Variants in CCNE2 observed in about 807,000 individuals in gnomAD.
CCNE2 encodes the protein cyclin E2, also known as G1/S-specific cyclin-E2.
Under a neutral mutation model 56.8 loss-of-function variants are expected in CCNE2, and 18 were observed. That is an observed-to-expected ratio of 0.32 (90% CI 0.22 to 0.47). The LOEUF is 0.47. Among genes scored for constraint, CCNE2 ranks in the 20% least tolerant of loss-of-function variants. CCNE2 has a pLI of 1.00. For synonymous variants in CCNE2, 139 were observed against 149.2 expected (o/e 0.93, Z 0.50); for missense variants, 371 against 467.1 (o/e 0.79, Z 1.90).
At chr8:94,888,671 T>G (rs761546234) in intron 6 of CCNE2, among the ~76,000 whole-genome samples, 1 of 152,052 alleles carries the variant, frequency 6.6e-6, no homozygotes, top group Non-Finnish European at 1.5e-5. Context: ...ATTACAGGTG[T>G]GTGCCACCAT....
In CCNE2 at chr8:94,890,429, C is replaced by T; in HGVS notation, c.439G>A (p.Asp147Asn). ...CTGTAACATACCTCTAAAAGCCAGT[C>T]TAGAAGTATGGACCTCATCTGTGGT... ...LEPQMRSILL[D>N]WLLEVCEVYT... The change falls in exon 6 of 12, where the codon GAC becomes AAC. Residue 147 changes from aspartate (D) to asparagine (N), a missense_variant. By Grantham distance (23) the Asp-to-Asn change is conservative (BLOSUM62 1). Coordinates refer to ENST00000308108, the MANE Select transcript of CCNE2 (RefSeq NM_057749.3). 1 of 1,587,874 alleles carries T rather than the reference C, an allele frequency of 6.3e-7. No homozygotes were observed. The highest frequency in any genetic ancestry group is 8.6e-7 in the Non-Finnish European group (1 of 1,167,852).
chr8:94,881,481 T>C lies in CCNE2; in HGVS notation c.*151A>G, dbSNP rs28399586. On this transcript the variant is annotated 3_prime_UTR_variant, in exon 12 of 12. Coordinates refer to ENST00000308108, the MANE Select transcript of CCNE2 (RefSeq NM_057749.3). Reference sequence around the variant, plus strand: ...AATTAAATGTATTCTTTAGTGCCAATTGTAAGTTTTAAAATCAGAATGGCA... The same window carrying C: ...AATTAAATGTATTCTTTAGTGCCAACTGTAAGTTTTAAAATCAGAATGGCA... 3.5e-4 allele frequency: 237 copies of C among 674,276 alleles called. 2 individuals are homozygous for C. In the East Asian group the frequency reaches 6.3e-3, roughly 18 times the overall value. The allele number at this position is 674,276 out of a possible 1,614,324, so 41.8% of individuals were successfully genotyped here.
chr8:94,883,636 T>C (rs1304109675), intron 9 of CCNE2: 2 of 246,736 alleles, frequency 8.1e-6, no homozygotes, highest in Non-Finnish European at 1.7e-5. Flanking sequence ...TTTTATAGGC[T>C]GATTCTTGAA....
intron 11 of CCNE2, 60 bp from the exon 12 acceptor site, chr8:94,881,805 G>T (rs1314682949): frequency 7.5e-6 from 12 of 1,596,442 alleles, no homozygotes; most frequent in Non-Finnish European, 8.5e-6. Context: ...CAGACTTCTG[G>T]GTACTTATTT....
In CCNE2 at chr8:94,880,836, A is replaced by G. The variant is rs935174250; in HGVS notation, c.*796T>C. 3 of 398,530 alleles carry G rather than the reference A, an allele frequency of 7.5e-6. No homozygotes were observed. Among genetic ancestry groups the G allele is most frequent in the African/African-American group, 4.1e-5 (2 of 48,596 alleles). The allele number at this position is 398,530 out of a possible 1,614,324, so 24.7% of individuals were successfully genotyped here. On this transcript the variant is annotated 3_prime_UTR_variant, in exon 12 of 12. Transcript: ENST00000308108. ...CCTCATATAAATAGTTTGAAAGGGT[A>G]CTTAAGTTTTTCACCCAAATTGTGA...
chr8:94,890,950 G>C (rs1817218878), intron 5 of CCNE2, among the ~76,000 whole-genome samples: 1 of 152,078 alleles, frequency 6.6e-6, no homozygotes. Context: ...GTTTCACATA[G>C]ATAAAATTCA....
chr8:94,885,067 C>T lies in CCNE2; in HGVS notation c.831G>A (p.Gln277=). Residue 277 remains glutamine (Q), a splice_region_variant and synonymous_variant, in exon 9 of 12, where the codon CAG becomes CAA. Coordinates refer to ENST00000308108, the MANE Select transcript of CCNE2 (RefSeq NM_057749.3). ...ATTGAATCAATAAAAATGTCAGTAC[C>T]TGAGCTATTTGAATGAATGTTTCCT... ...YSQETFIQIA[Q]LLDLCILAID... 2 of 1,612,468 alleles carry T rather than the reference C, an allele frequency of 1.2e-6. No homozygotes were observed. Among genetic ancestry groups the T allele is most frequent in the Non-Finnish European group, 1.7e-6 (2 of 1,179,014 alleles).
chr8:94,896,104 C>T (rs79560866), upstream of CCNE2, among the ~76,000 whole-genome samples: 250 of 152,276 alleles, frequency 1.6e-3, 2 homozygotes, highest in African/African-American at 5.7e-3. Flanking sequence ...TTCCTCTCTT[C>T]TCCACCTCCA....
intron 5 of CCNE2, chr8:94,891,774 G>C: frequency 7.3e-7 from 1 of 1,362,122 alleles, no homozygotes; most frequent in South Asian, 1.2e-5. Flanking sequence ...CCCAGGCCAA[G>C]CAGTGGGACT....
chr8:94,892,145 A>G, intron 5 of CCNE2: 1 of 544,832 alleles, frequency 1.8e-6, no homozygotes, highest in South Asian at 1.5e-5. Context: ...AAGTGAAAAA[A>G]AATGTTTTCT....
In CCNE2 at chr8:94,881,732, T is replaced by C. The variant is rs781445918; in HGVS notation, c.1115A>G (p.Tyr372Cys). Reference protein sequence around the residue: ...NYLAMLEEVNYINTFRKGGQL... With the variant: ...NYLAMLEEVNCINTFRKGGQL... Reference sequence around the variant, plus strand: ...TCCCCCTTTTCTGAAGGTGTTTATGTAATTTACTTCCTCCTATACATGGGA... The same window carrying C: ...TCCCCCTTTTCTGAAGGTGTTTATGCAATTTACTTCCTCCTATACATGGGA... Residue 372 changes from tyrosine (Y) to cysteine (C), a missense_variant, in exon 12 of 12, where the codon TAC (tyrosine) becomes TGC (cysteine). Tyr to Cys is a radical substitution (Grantham distance 194). Transcript: ENST00000308108. The C allele has an allele frequency of 5.0e-6, 8 of 1,613,906 alleles. No homozygotes were observed. The highest frequency in any genetic ancestry group is 1.7e-4 in the Middle Eastern group (1 of 6,058).
At position 94,880,980 on chromosome 8, in the gene CCNE2, T is replaced by C. The variant is rs998173135; in HGVS notation, c.*652A>G. The C allele has an allele frequency of 5.0e-6, 2 of 398,634 alleles. No individual in the cohort carries two copies. Among genetic ancestry groups the C allele is most frequent in the Non-Finnish European group, 8.9e-6 (2 of 225,888 alleles). 24.7% of individuals were successfully genotyped at this position (398,634 alleles called of 1,614,324 possible). A position where few individuals can be genotyped will look rare whatever the true frequency, so the allele number is the denominator to read the frequency against. Reference sequence around the variant, plus strand: ...TACTCCCACTGTTTAGAGCACAGGTTGAACACCATGTTCATCTAAGCCTTA... The same window carrying C: ...TACTCCCACTGTTTAGAGCACAGGTCGAACACCATGTTCATCTAAGCCTTA... On this transcript the variant is annotated 3_prime_UTR_variant, in exon 12 of 12. Transcript: ENST00000308108.
chr8:94,890,593 T>TATATA (rs768605534), intron 5 of CCNE2, 43 bp from the exon 6 acceptor site: 3 of 97,318 alleles, frequency 3.1e-5, no homozygotes, highest in South Asian at 4.3e-4. Context: ...ATATATATAT[T>TATATA]TTTTTTTTTT....
rs770398341 is a variant in CCNE2, at chr8:94,882,910, A to C, written c.832-18T>G. ...TCTAAAAGCTAACAGGAAAAACAAA[A>C]GTACAAGCAATTTAGGAGAAAGATG... On this transcript the variant is annotated intron_variant, in intron 9 of 11. Transcript: ENST00000308108. The C allele has an allele frequency of 2.0e-6, 3 of 1,490,980 alleles. No homozygotes were observed. In the Admixed American group the frequency reaches 5.0e-5, roughly 25 times the overall value. The allele number at this position is 1,490,980 out of a possible 1,614,324, so 92.4% of individuals were successfully genotyped here.
chr8:94,887,475 A>G (rs986257958), intron 7 of CCNE2, among the ~76,000 whole-genome samples: 1 of 152,204 alleles, frequency 6.6e-6, no homozygotes, highest in Non-Finnish European at 1.5e-5. Flanking sequence ...ATTGCACTCC[A>G]GCCTGGGCAA....
chr8:94,888,444 T>C (rs1817111159), intron 6 of CCNE2, among the ~76,000 whole-genome samples: 1 of 152,228 alleles, frequency 6.6e-6, no homozygotes, highest in Non-Finnish European at 1.5e-5. Context: ...CTGTCATTTC[T>C]ACACTTTTAG....
Position 94,881,516 on chromosome 8 carries a change from G to T in CCNE2, c.*116C>A. The T allele has an allele frequency of 2.1e-6, 2 of 935,976 alleles. No individual in the cohort carries two copies. Among genetic ancestry groups the T allele is most frequent in the Non-Finnish European group, 3.2e-6 (2 of 630,072 alleles). The allele number at this position is 935,976 out of a possible 1,614,324, so 58.0% of individuals were successfully genotyped here. A position where few individuals can be genotyped will look rare whatever the true frequency, so the allele number is the denominator to read the frequency against. On this transcript the variant is annotated 3_prime_UTR_variant, in exon 12 of 12. Coordinates refer to ENST00000308108, the MANE Select transcript of CCNE2 (RefSeq NM_057749.3). ...TAAAATCAGAATGGCAGTGTAACTT[G>T]TGAATTGGCTAGGGCAATCAATCAC...
intron 9 of CCNE2, 121 bp from the exon 10 acceptor site, chr8:94,883,013 C>T (rs867351696): frequency 3.0e-5 from 17 of 572,554 alleles, no homozygotes; most frequent in Middle Eastern, 4.3e-4. Context: ...CGGTGGCTCA[C>T]GCCTGTAATC....
rs201541482 is a variant in CCNE2 at position 94,894,078 on chromosome 8, G to T, written c.56C>A (p.Thr19Lys). The change falls in exon 3 of 12, where the codon ACG becomes AAG. Residue 19 changes from threonine to lysine, a missense_variant. By Grantham distance (78) the Thr-to-Lys change is moderately conservative. Coordinates refer to ENST00000308108, the MANE Select transcript of CCNE2 (RefSeq NM_057749.3). Reference sequence around the variant, plus strand: ...TATCTGGGCTTCTTGGGGGGATTCCGTCTGGCTGGGCTGGGGCTGCTGCTT... The same window carrying T: ...TATCTGGGCTTCTTGGGGGGATTCCTTCTGGCTGGGCTGGGGCTGCTGCTT... ...QAKQQPQPSQ[T>K]ESPQEAQIIQ... 1 of 1,613,586 alleles carries T rather than the reference G, an allele frequency of 6.2e-7. No homozygotes were observed. The highest frequency in any genetic ancestry group is 8.5e-7 in the Non-Finnish European group (1 of 1,179,784).
Sources: gnomAD v4.1 joint callset for allele counts (sites outside exome capture counted in the v4.1 genomes callset) on GRCh38, gnomAD v4.1.1 for gene constraint, MANE v1.5 for transcripts, NCBI Gene and HGNC (gene_info 2026-07-23, HGNC 2026-07-21) for gene names.